Variants in SH3BGR observed in about 807,000 individuals in gnomAD.
The protein encoded by SH3BGR is SH3 domain binding glutamate rich protein, also known as SH3 domain-binding glutamic acid-rich protein.
SH3BGR carries 29 observed loss-of-function variants against 24.5 expected under a neutral mutation model. The ratio of observed to expected loss-of-function variants is 1.18; its 90% CI spans 0.88 to 1.61. The LOEUF is 1.61. SH3BGR is among the 40% of genes most tolerant of loss of function. The pLI, the probability that SH3BGR is intolerant of heterozygous loss-of-function variation, is 0.00. For missense variants in SH3BGR, 162 were observed against 205.8 expected (o/e 0.79, Z 1.30); for synonymous variants, 55 against 65.7 (o/e 0.84, Z 0.79).
chr21:39,510,908 A>AATATATATATAT (rs1340963103), intron 5 of SH3BGR, among the ~76,000 whole-genome samples: 5 of 20,270 alleles, frequency 2.5e-4, no homozygotes, highest in East Asian at 2.9e-3. Context: ...GATTCTTCTA[A>AATATATATATAT]CTATATATAT....
chr21:39,480,986 T>C lies in SH3BGR; in HGVS notation c.312+5771T>C, dbSNP rs150478854. Among the ~76,000 whole-genome samples the C allele has an allele frequency of 3.0e-3, 457 of 152,338 alleles. 3 individuals carry two copies. Among genetic ancestry groups the C allele is most frequent in the African/African-American group, 0.011 (438 of 41,570 alleles). On this transcript the variant is annotated intron_variant, in intron 3 of 6. Coordinates refer to ENST00000333634, the MANE Select transcript of SH3BGR (RefSeq NM_007341.3). ...GAAATTGTAAGGCCACTTTGTTCCT[T>C]TCCCCATTCCTGATTCTCTCCTGCA...
At chr21:39,504,595 T>C (rs2078552138) in intron 4 of SH3BGR, among the ~76,000 whole-genome samples, 2 of 152,344 alleles carry the variant, frequency 1.3e-5, no homozygotes, top group South Asian at 4.1e-4. Context: ...TGGCTTTCTC[T>C]GAAAAACAAG....
chr21:39,496,366 G>T (rs2078395022), intron 3 of SH3BGR, among the ~76,000 whole-genome samples: 2 of 151,900 alleles, frequency 1.3e-5, no homozygotes, highest in South Asian at 2.1e-4. Context: ...CGGGTGCGGT[G>T]GCGGGCACCT....
chr21:39,510,068 G>A (rs2078651208), intron 5 of SH3BGR, among the ~76,000 whole-genome samples: 1 of 142,876 alleles, frequency 7.0e-6, no homozygotes, highest in East Asian at 2.0e-4. Flanking sequence ...TCAGCCTCCC[G>A]AGTAGCTGGG....
intron 3 of SH3BGR, among the ~76,000 whole-genome samples, chr21:39,482,046 T>TG (rs1023083406): frequency 6.6e-6 from 1 of 152,226 alleles, no homozygotes; most frequent in African/African-American, 2.4e-5. Flanking sequence ...TCACTACTAA[T>TG]GGGACTCACT....
At chr21:39,499,255 C>CT (rs1555914088) in intron 3 of SH3BGR, among the ~76,000 whole-genome samples, 1 of 151,082 alleles carries the variant, frequency 6.6e-6, no homozygotes, top group Admixed American at 6.6e-5. Flanking sequence ...ACCTATCTAT[C>CT]ATCTGTCTAT....
intron 3 of SH3BGR, among the ~76,000 whole-genome samples, chr21:39,494,814 C>T (rs1399966567): frequency 2.0e-5 from 3 of 151,786 alleles, no homozygotes; most frequent in African/African-American, 4.8e-5. Flanking sequence ...TTTCATTTCC[C>T]CTTCTGGCAC....
At chr21:39,465,832 T>C (rs1386709986) in intron 2 of SH3BGR, among the ~76,000 whole-genome samples, 1 of 152,216 alleles carries the variant, frequency 6.6e-6, no homozygotes, top group African/African-American at 2.4e-5. Flanking sequence ...CTTCAAGTGA[T>C]GCACCCATCT....
intron 1 of SH3BGR, among the ~76,000 whole-genome samples, chr21:39,460,690 G>A (rs1277788257): frequency 1.3e-5 from 2 of 152,058 alleles, no homozygotes; most frequent in East Asian, 3.9e-4. Context: ...GGCTGGTCTC[G>A]AACTCCTGAC....
intron 1 of SH3BGR, among the ~76,000 whole-genome samples, chr21:39,456,813 A>G (rs1019893285): frequency 2.6e-5 from 4 of 152,070 alleles, no homozygotes; most frequent in Non-Finnish European, 4.4e-5. Flanking sequence ...CTTGCCCCAA[A>G]CTGCAGTACC....
At chr21:39,481,912 G>A (rs903236269) in intron 3 of SH3BGR, among the ~76,000 whole-genome samples, 3 of 152,172 alleles carry the variant, frequency 2.0e-5, no homozygotes, top group Non-Finnish European at 4.4e-5. Context: ...GGGGGAATCA[G>A]TTAAATTTCC....
At chr21:39,514,124 A>G (rs1156852600) in intron 6 of SH3BGR, among the ~76,000 whole-genome samples, 1 of 152,148 alleles carries the variant, frequency 6.6e-6, no homozygotes, top group Non-Finnish European at 1.5e-5. Flanking sequence ...AGCACCCTAA[A>G]TCCCAGCCAC....
At chr21:39,487,644 A>G (rs901890508) in intron 3 of SH3BGR, among the ~76,000 whole-genome samples, 1 of 152,222 alleles carries the variant, frequency 6.6e-6, no homozygotes, top group African/African-American at 2.4e-5. Flanking sequence ...AACATCTTCT[A>G]TTGGAAGATG....
intron 6 of SH3BGR, among the ~76,000 whole-genome samples, chr21:39,512,773 C>A (rs1569179630): frequency 6.6e-6 from 1 of 152,124 alleles, no homozygotes; most frequent in Non-Finnish European, 1.5e-5. Context: ...GCCTGGGTGA[C>A]AGAGCAAGAC....
At chr21:39,493,670 A>T (rs2078343042) in intron 3 of SH3BGR, among the ~76,000 whole-genome samples, 1 of 152,068 alleles carries the variant, frequency 6.6e-6, no homozygotes, top group Admixed American at 6.6e-5. Flanking sequence ...TGGTATTTTG[A>T]TGGGAATTGC....
At chr21:39,479,773 C>A (rs1268448603) in intron 3 of SH3BGR, among the ~76,000 whole-genome samples, 2 of 152,182 alleles carry the variant, frequency 1.3e-5, no homozygotes, top group African/African-American at 2.4e-5. Context: ...TCTCTCACAT[C>A]GCTCTTTGTA....
intron 1 of SH3BGR, among the ~76,000 whole-genome samples, chr21:39,457,853 A>G (rs1163167875): frequency 1.3e-5 from 2 of 152,002 alleles, no homozygotes; most frequent in Non-Finnish European, 2.9e-5. Context: ...GACCCTGGGG[A>G]GATTGAGACT....
intron 3 of SH3BGR, among the ~76,000 whole-genome samples, chr21:39,477,119 C>G (rs1296764460): frequency 6.6e-6 from 1 of 151,904 alleles, no homozygotes; most frequent in Non-Finnish European, 1.5e-5. Context: ...TCATTTAAAA[C>G]TTTTGTCTGA....
At chr21:39,467,478 A>G (rs920501843) in intron 2 of SH3BGR, among the ~76,000 whole-genome samples, 2 of 152,148 alleles carry the variant, frequency 1.3e-5, no homozygotes, top group South Asian at 2.1e-4. Context: ...TCTGTGGTCT[A>G]TGGACACACT....
Sources: allele counts gnomAD v4.1 joint callset (sites outside exome capture counted in the v4.1 genomes callset), GRCh38; gene constraint gnomAD v4.1.1; transcripts MANE v1.5; gene names NCBI Gene and HGNC (gene_info 2026-07-23, HGNC 2026-07-21).